The following CSMD1 variants were observed in gnomAD, a reference collection of about 807,000 sequenced individuals.
CSMD1 encodes the protein CUB and sushi domain-containing protein 1.
In CSMD1, 213 loss-of-function variants were observed where a neutral mutation model predicts 417.5. The observed-to-expected ratio is 0.51, with a 90% CI of 0.46 to 0.57. The LOEUF is 0.57. Ranked by LOEUF, CSMD1 falls within the 20% of genes least tolerant of loss-of-function variation. CSMD1 has a pLI of 0.00. For missense variants in CSMD1, 6,923 were observed against 4,529.7 expected, an observed-to-expected ratio of 1.53 and a Z score of -15.17; for synonymous variants, 2,862 against 1,736.8, an observed-to-expected ratio of 1.65 and a Z score of -16.11.
At chr8:3,824,471 G>A (rs1202136446) in intron 5 of CSMD1, among the ~76,000 whole-genome samples, 1 of 152,066 alleles carries the variant, frequency 6.6e-6, no homozygotes, top group Non-Finnish European at 1.5e-5. Flanking sequence ...TCCCCTAAGT[G>A]CCGTACCTCA....
At chr8:3,789,014 C>G (rs912812834) in intron 5 of CSMD1, among the ~76,000 whole-genome samples, 3 of 152,158 alleles carry the variant, frequency 2.0e-5, no homozygotes, top group Non-Finnish European at 2.9e-5. Flanking sequence ...ACACTCTTCC[C>G]AAATTAGGAG....
chr8:3,787,937 G>T (rs1030846270), intron 5 of CSMD1, among the ~76,000 whole-genome samples: 8 of 152,142 alleles, frequency 5.3e-5, no homozygotes, highest in African/African-American at 1.9e-4. Context: ...GGAAGGAGAT[G>T]GGCAGAAATC....
rs116926283 is a variant in CSMD1, at chr8:4,339,631, T to C, written c.415+80322A>G. Among the ~76,000 whole-genome samples the C allele has an allele frequency of 1.9e-3, 288 of 152,246 alleles. 4 individuals carry two copies. In the East Asian group the frequency reaches 0.049, roughly 26 times the overall value. Reference sequence around the variant, plus strand: ...ATCGCTCAATGATTACCTGCCCACATAGGAAAACATTCATCAGATGATTCA... The same window carrying C: ...ATCGCTCAATGATTACCTGCCCACACAGGAAAACATTCATCAGATGATTCA... On this transcript the variant is annotated intron_variant, in intron 3 of 69. Coordinates refer to ENST00000635120, the MANE Select transcript of CSMD1 (RefSeq NM_033225.6).
At chr8:4,994,042 T>C (rs543441395) in intron 1 of CSMD1, among the ~76,000 whole-genome samples, 2 of 152,064 alleles carry the variant, frequency 1.3e-5, no homozygotes, top group African/African-American at 2.4e-5. Context: ...CCAACTCGTA[T>C]TGGGTTCCTT....
intron 6 of CSMD1, among the ~76,000 whole-genome samples, chr8:3,737,928 A>G (rs1258333345): frequency 6.6e-6 from 1 of 152,216 alleles, no homozygotes; most frequent in East Asian, 1.9e-4. Context: ...CTAAAGGTAG[A>G]TAATTGTCAA....
chr8:3,359,472 A>G (rs1325333906), intron 20 of CSMD1, 132 bp from the exon 21 acceptor site: 26 of 671,984 alleles, frequency 3.9e-5, no homozygotes, highest in South Asian at 4.8e-5. Flanking sequence ...CCAAACACTT[A>G]TAACTGTTAC....
chr8:4,337,940 C>A (rs894186670), intron 3 of CSMD1, among the ~76,000 whole-genome samples: 1 of 152,070 alleles, frequency 6.6e-6, no homozygotes, highest in Non-Finnish European at 1.5e-5. Context: ...TTAATGATAT[C>A]GCATTTCTCA....
At chr8:4,706,669 C>G (rs895815954) in intron 1 of CSMD1, among the ~76,000 whole-genome samples, 1 of 152,114 alleles carries the variant, frequency 6.6e-6, no homozygotes, top group Non-Finnish European at 1.5e-5. Context: ...TTCTAGTCAT[C>G]AATGTGGCTG....
Position 4,201,600 on chromosome 8 carries a change from G to A in CSMD1, c.416-169501C>T, listed in dbSNP as rs578115431. 1.0e-3 allele frequency among the ~76,000 whole-genome samples: 139 copies of A among 133,884 alleles called. 1 individual carries two copies. Among genetic ancestry groups the A allele is most frequent in the African/African-American group, 3.5e-3 (128 of 36,172 alleles). 87.8% of individuals were successfully genotyped at this position (133,884 alleles called of 152,430 possible). A position where few individuals can be genotyped will look rare whatever the true frequency, so the allele number is the denominator to read the frequency against. On this transcript the variant is annotated intron_variant, in intron 3 of 69. Transcript: ENST00000635120. Reference sequence around the variant, plus strand: ...AATCAGAAAACGATATGCAACAACTGTAGAAGAAAATTGAAATATAAAATA... The same window carrying A: ...AATCAGAAAACGATATGCAACAACTATAGAAGAAAATTGAAATATAAAATA...
intron 5 of CSMD1, among the ~76,000 whole-genome samples, chr8:3,941,703 A>G (rs1386344801): frequency 1.3e-5 from 2 of 152,156 alleles, no homozygotes; most frequent in African/African-American, 4.8e-5. Context: ...ATTTTTTCCC[A>G]GATGTTATTT....
intron 37 of CSMD1, among the ~76,000 whole-genome samples, chr8:3,172,153 C>T (rs74811127): frequency 0.041 from 6,275 of 152,242 alleles, 387 homozygotes; most frequent in African/African-American, 0.12. Context: ...CTACAACGTA[C>T]TGCGCACTGT....
chr8:3,832,628 T>C (rs1003866515), intron 5 of CSMD1, among the ~76,000 whole-genome samples: 1 of 151,582 alleles, frequency 6.6e-6, no homozygotes, highest in African/African-American at 2.4e-5. Flanking sequence ...CTTGAAGGAG[T>C]CGAAGATTTC....
intron 4 of CSMD1, among the ~76,000 whole-genome samples, chr8:4,011,386 G>C (rs1355031445): frequency 1.3e-5 from 2 of 152,126 alleles, no homozygotes; most frequent in Non-Finnish European, 2.9e-5. Context: ...TCTGCTTCCA[G>C]ACTCCACATT....
At chr8:4,483,687 C>T (rs1360353386) in intron 2 of CSMD1, among the ~76,000 whole-genome samples, 1 of 152,092 alleles carries the variant, frequency 6.6e-6, no homozygotes, top group Non-Finnish European at 1.5e-5. Flanking sequence ...GTAAGAAAAG[C>T]ACTGATTTTG....
intron 2 of CSMD1, among the ~76,000 whole-genome samples, chr8:4,529,610 A>G (rs1796688085): frequency 6.6e-6 from 1 of 152,206 alleles, no homozygotes; most frequent in Non-Finnish European, 1.5e-5. Context: ...GCCAGATTTA[A>G]CAAAGACAAA....
chr8:4,227,076 T>C (rs969033882), intron 3 of CSMD1, among the ~76,000 whole-genome samples: 4 of 152,148 alleles, frequency 2.6e-5, no homozygotes, highest in Admixed American at 2.6e-4. Flanking sequence ...GGTGAAATAA[T>C]AAATGACGCA....
Position 3,389,123 on chromosome 8 carries a change from CTTTTA to C in CSMD1, c.2594-1446_2594-1442del, listed in dbSNP as rs558267161. ...ATTTTTTGTTGTTGTTGTTTGTTTA[CTTTTA>C]TTTTAAGTTCAGGGGTACATGTGCA... On this transcript the variant is annotated intron_variant, in intron 17 of 69. Transcript: ENST00000635120. 3.1e-3 allele frequency among the ~76,000 whole-genome samples: 466 copies of C among 152,192 alleles called. 3 individuals are homozygous for C. The highest frequency in any genetic ancestry group is 5.1e-3 in the Non-Finnish European group (349 of 68,000).
intron 1 of CSMD1, among the ~76,000 whole-genome samples, chr8:4,856,843 A>G (rs749111077): frequency 0.013 from 1,901 of 152,074 alleles, 43 homozygotes; most frequent in African/African-American, 0.043. Flanking sequence ...CACTGTCAAC[A>G]TTACACAGAT....
intron 5 of CSMD1, among the ~76,000 whole-genome samples, chr8:3,964,063 G>A (rs753932951): frequency 6.6e-6 from 1 of 152,164 alleles, no homozygotes; most frequent in African/African-American, 2.4e-5. Flanking sequence ...CACAGCATGA[G>A]GTGCTTGCTT....
Sources: allele counts gnomAD v4.1 joint callset (sites outside exome capture counted in the v4.1 genomes callset), GRCh38; gene constraint gnomAD v4.1.1; transcripts MANE v1.5; gene names NCBI Gene and HGNC (gene_info 2026-07-23, HGNC 2026-07-21).